GRID1: variants seen among roughly 807,000 people sequenced by gnomAD.
GRID1 encodes glutamate receptor ionotropic, delta-1.
In GRID1, 28 loss-of-function variants were observed where a neutral mutation model predicts 98.0. The observed-to-expected ratio is 0.29, with a 90% CI of 0.21 to 0.39. GRID1 has a LOEUF of 0.39. Ranked by LOEUF, GRID1 falls within the 10% of genes least tolerant of loss-of-function variation. GRID1 has a pLI of 1.00. For synonymous variants in GRID1, 553 were observed against 538.5 expected, an observed-to-expected ratio of 1.03 and a Z score of -0.37; for missense variants, 1,111 against 1,340.5, an observed-to-expected ratio of 0.83 and a Z score of 2.67.
At chr10:86,060,698 G>A (rs1052079909) in intron 4 of GRID1, among the ~76,000 whole-genome samples, 1 of 152,174 alleles carries the variant, frequency 6.6e-6, no homozygotes, top group Non-Finnish European at 1.5e-5. Context: ...TGAGTTTGTG[G>A]GGAACAGAAC....
intron 3 of GRID1, among the ~76,000 whole-genome samples, chr10:86,175,991 G>A (rs1048338462): frequency 6.6e-6 from 1 of 152,112 alleles, no homozygotes; most frequent in African/African-American, 2.4e-5. Context: ...TTACAGGCGT[G>A]AGCCACCACA....
At position 86,206,460 on chromosome 10, in the gene GRID1, C is replaced by A. The variant is rs1846026830; in HGVS notation, c.424G>T (p.Ala142Ser). 1 of 1,614,202 alleles carries A rather than the reference C, an allele frequency of 6.2e-7. No homozygotes were observed. Among genetic ancestry groups the A allele is most frequent in the Non-Finnish European group, 8.5e-7 (1 of 1,180,022 alleles). The part of the protein sequence containing the change: ...PSPDGEAYTL[A>S]SRPPVRLNDV... ...TTGAGGCGGACGGGTGGTCTCGAAG[C>A]CAGTGTGTAGGCCTCACCATCGGGG... The change falls in exon 3 of 16, where the codon GCT becomes TCT. Residue 142 changes from alanine to serine, a missense_variant. Transcript: ENST00000327946. This position sits in a 1 kb window ranked among gnomAD's most constrained non-coding sequence, Gnocchi z 4.1.
At chr10:85,638,026 T>C (rs1843070866) in intron 13 of GRID1, among the ~76,000 whole-genome samples, 1 of 152,224 alleles carries the variant, frequency 6.6e-6, no homozygotes, top group Non-Finnish European at 1.5e-5. Flanking sequence ...ATAGCTCTAA[T>C]ACTTATATTA....
Position 85,619,969 on chromosome 10 carries a change from T to C in GRID1, c.2258A>G (p.Asp753Gly), listed in dbSNP as rs201521845. ...VAVVEYAALT[D>G]DDCSVTVIGN... ...GATGACAGTCACCGAGCAGTCGTCA[T>C]CCGTCAGGGCTGCGTATTCCACCAC... The change falls in exon 14 of 16, where the codon GAT (aspartate) becomes GGT (glycine). Residue 753 changes from aspartate (D) to glycine (G), a missense_variant. Asp to Gly is a moderately conservative substitution (Grantham distance 94, BLOSUM62 -1). Coordinates refer to ENST00000327946, the MANE Select transcript of GRID1 (RefSeq NM_017551.3). 1.1e-5 allele frequency: 18 copies of C among 1,613,968 alleles called. No homozygotes were observed. Among genetic ancestry groups the C allele is most frequent in the Non-Finnish European group, 1.4e-5 (16 of 1,179,858 alleles).
chr10:86,096,497 C>T (rs906096239), intron 4 of GRID1, among the ~76,000 whole-genome samples: 2 of 152,200 alleles, frequency 1.3e-5, no homozygotes, highest in African/African-American at 4.8e-5. Context: ...CAGCATTTTG[C>T]CCTTACTGGA....
At chr10:86,334,422 G>A (rs912362667) in intron 2 of GRID1, among the ~76,000 whole-genome samples, 1 of 152,042 alleles carries the variant, frequency 6.6e-6, no homozygotes, top group Non-Finnish European at 1.5e-5. Flanking sequence ...AGATCCCCAA[G>A]GTTGCCCTAA....
At chr10:85,679,205 C>T (rs923580600) in intron 12 of GRID1, among the ~76,000 whole-genome samples, 2 of 152,202 alleles carry the variant, frequency 1.3e-5, no homozygotes, top group East Asian at 3.8e-4. Context: ...GAAATACCTA[C>T]TCATTGGAAT....
intron 14 of GRID1, among the ~76,000 whole-genome samples, chr10:85,617,459 C>T (rs192447529): frequency 9.2e-5 from 14 of 152,208 alleles, no homozygotes; most frequent in African/African-American, 3.4e-4. Context: ...GTCTTGAACT[C>T]CTGGCCTCAC....
intron 8 of GRID1, among the ~76,000 whole-genome samples, chr10:85,797,609 ATTTTT>A (rs746153179): frequency 8.5e-6 from 1 of 118,036 alleles, no homozygotes; most frequent in Non-Finnish European, 1.8e-5. Flanking sequence ...CTAAATCTGT[ATTTTT>A]TTTTTTTTTT....
At chr10:86,336,263 T>A (rs1024515984) in intron 2 of GRID1, among the ~76,000 whole-genome samples, 5 of 152,186 alleles carry the variant, frequency 3.3e-5, no homozygotes, top group African/African-American at 1.2e-4. Flanking sequence ...ACTAATAGGG[T>A]GCACAATGGC....
chr10:85,724,214 T>C lies in GRID1; in HGVS notation c.1858+138A>G, dbSNP rs548058670. 495 of 600,002 alleles carry C rather than the reference T, an allele frequency of 8.2e-4. 5 individuals carry two copies. The African/African-American group carries it at 8.4e-3, about 10-fold the overall frequency. The allele number at this position is 600,002 out of a possible 1,614,324, so 37.2% of individuals were successfully genotyped here. A position where few individuals can be genotyped will look rare whatever the true frequency, so the allele number is the denominator to read the frequency against. On this transcript the variant is annotated intron_variant, in intron 11 of 15. Transcript: ENST00000327946. Reference sequence around the variant, plus strand: ...TTATTCAGAGAAATTGGGTGCAGCATGACATTTGTACTGTCCTAGAGATTA... The same window carrying C: ...TTATTCAGAGAAATTGGGTGCAGCACGACATTTGTACTGTCCTAGAGATTA...
rs1843738290 is a variant in GRID1 at position 86,067,535 on chromosome 10, A to AT, written c.726+71283dup. Among the ~76,000 whole-genome samples the AT allele has an allele frequency of 2.0e-5, 3 of 152,336 alleles. No homozygotes were observed. The South Asian group carries it at 6.2e-4, about 32-fold the overall frequency. On this transcript the variant is annotated intron_variant, in intron 4 of 15. Transcript: ENST00000327946. ...TTGAGCATGCTTATATTTACAGCTG[A>AT]TTTTTTAAAACTCTTGGGATAAAAG...
At chr10:85,663,995 G>A (rs1178559335) in intron 12 of GRID1, among the ~76,000 whole-genome samples, 1 of 152,068 alleles carries the variant, frequency 6.6e-6, no homozygotes, top group Non-Finnish European at 1.5e-5. Flanking sequence ...AGTATAAAAG[G>A]CACAGTGTCC....
chr10:85,645,544 A>T (rs1336253022), intron 13 of GRID1: 2 of 152,234 alleles, frequency 1.3e-5, no homozygotes, highest in East Asian at 1.9e-4. Flanking sequence ...TTCAAAATTT[A>T]TCATGATATG....
chr10:85,916,347 T>G lies in GRID1; in HGVS notation c.727-108A>C. 1 of 919,698 alleles carries G rather than the reference T, an allele frequency of 1.1e-6. No individual in the cohort carries two copies. The highest frequency in any genetic ancestry group is 2.5e-5 in the East Asian group (1 of 40,220). The allele number at this position is 919,698 out of a possible 1,614,324, so 57.0% of individuals were successfully genotyped here. A position where few individuals can be genotyped will look rare whatever the true frequency, so the allele number is the denominator to read the frequency against. The stretch of plus-strand genomic sequence containing the variant: ...TAAACATTGTTCTTGGAGAATATTT[T>G]CCTCACAAAACATGCCATCCCCCTG... On this transcript the variant is annotated intron_variant, in intron 4 of 15. Coordinates refer to ENST00000327946, the MANE Select transcript of GRID1 (RefSeq NM_017551.3). This position sits in a 1 kb window ranked among gnomAD's most constrained non-coding sequence, Gnocchi z 4.0.
chr10:85,679,309 C>T (rs1012787865), intron 12 of GRID1, among the ~76,000 whole-genome samples: 1 of 152,224 alleles, frequency 6.6e-6, no homozygotes, highest in Non-Finnish European at 1.5e-5. Context: ...TGACTCCTGT[C>T]GAAGGCTTTG....
intron 4 of GRID1, among the ~76,000 whole-genome samples, chr10:85,928,169 GT>G (rs34738951): frequency 0.3 from 45,701 of 152,108 alleles, 7,082 homozygotes; most frequent in South Asian, 0.41. Context: ...AATCTTAACA[GT>G]TTGGGAGAGA....
chr10:85,711,515 T>C (rs1180148041), intron 12 of GRID1, among the ~76,000 whole-genome samples: 4 of 151,960 alleles, frequency 2.6e-5, no homozygotes, highest in Non-Finnish European at 5.9e-5. Flanking sequence ...AGATTATTAG[T>C]TATGCAAGAT....
chr10:86,309,658 T>C (rs756461730), intron 2 of GRID1, among the ~76,000 whole-genome samples: 10 of 152,152 alleles, frequency 6.6e-5, no homozygotes, highest in Non-Finnish European at 1.2e-4. Context: ...GTGATCTTTA[T>C]GGGGGACTTG....
Sources: gnomAD v4.1 joint callset for allele counts (sites outside exome capture counted in the v4.1 genomes callset) on GRCh38, gnomAD v4.1.1 for gene constraint, Gnocchi (gnomAD v3.1) non-coding constraint, MANE v1.5 for transcripts, NCBI Gene and HGNC (gene_info 2026-07-23, HGNC 2026-07-21) for gene names.